Variants in MIPEP observed in about 807,000 individuals in gnomAD.
MIPEP encodes mitochondrial intermediate peptidase.
Under a neutral mutation model 90.3 loss-of-function variants are expected in MIPEP, and 79 were observed. The ratio of observed to expected loss-of-function variants is 0.87; its 90% CI spans 0.73 to 1.05. The LOEUF (loss-of-function observed/expected upper bound fraction) is 1.05, where lower values mean the gene tolerates loss of function less well. Among genes scored for constraint, MIPEP ranks in the 50% least tolerant of loss-of-function variants. The pLI is 0.00. For missense variants in MIPEP, 940 were observed against 905.6 expected (o/e 1.04, Z -0.49); for synonymous variants, 334 against 315.8 (o/e 1.06, Z -0.61).
intron 2 of MIPEP, among the ~76,000 whole-genome samples, chr13:23,884,495 G>C (rs1871393085): frequency 6.6e-6 from 1 of 152,202 alleles, no homozygotes; most frequent in Non-Finnish European, 1.5e-5. Context: ...GGAGAAAGAA[G>C]AAGAGCTCGA....
chr13:23,887,753 C>T (rs1252347065), intron 1 of MIPEP, among the ~76,000 whole-genome samples: 1 of 152,140 alleles, frequency 6.6e-6, no homozygotes, highest in Non-Finnish European at 1.5e-5. Flanking sequence ...AACAGGTAAA[C>T]CTTCAGGCCT....
At chr13:23,739,318 C>T (rs902196064) in intron 18 of MIPEP, among the ~76,000 whole-genome samples, 8 of 152,258 alleles carry the variant, frequency 5.3e-5, no homozygotes, top group African/African-American at 1.2e-4. Flanking sequence ...GTCTCCCAGA[C>T]GGGAGGTGCC....
chr13:23,775,918 T>G (rs918749101), intron 16 of MIPEP, among the ~76,000 whole-genome samples: 1 of 152,240 alleles, frequency 6.6e-6, no homozygotes, highest in African/African-American at 2.4e-5. Context: ...GAATTTTTTT[T>G]GGTAAATGTG....
intron 16 of MIPEP, among the ~76,000 whole-genome samples, chr13:23,798,511 T>C (rs1222014113): frequency 6.6e-6 from 1 of 152,186 alleles, no homozygotes; most frequent in African/African-American, 2.4e-5. Flanking sequence ...CCAATGTTTA[T>C]AGATTATATA....
chr13:23,862,466 T>C (rs1006736945), intron 8 of MIPEP, 104 bp from the exon 9 acceptor site: 3 of 678,994 alleles, frequency 4.4e-6, no homozygotes, highest in South Asian at 1.8e-5. Context: ...TAAGATTAGA[T>C]ACAATTAGTA....
intron 16 of MIPEP, among the ~76,000 whole-genome samples, chr13:23,781,470 G>A (rs1462644792): frequency 1.3e-5 from 2 of 152,132 alleles, no homozygotes; most frequent in Admixed American, 6.5e-5. Flanking sequence ...AACATGGAAA[G>A]GAACAACTGG....
chr13:23,886,797 A>T (rs1376026835), intron 1 of MIPEP, among the ~76,000 whole-genome samples: 2 of 151,906 alleles, frequency 1.3e-5, no homozygotes, highest in Non-Finnish European at 2.9e-5. Flanking sequence ...AGAACCTAAG[A>T]GTGGCCGCAA....
At chr13:23,786,800 G>A (rs1365852456) in intron 16 of MIPEP, among the ~76,000 whole-genome samples, 2 of 152,172 alleles carry the variant, frequency 1.3e-5, no homozygotes, top group Admixed American at 6.5e-5. Context: ...ACTTTGCAAC[G>A]TGTCTGGGAA....
intron 7 of MIPEP, among the ~76,000 whole-genome samples, chr13:23,864,847 C>A (rs574061360): frequency 6.6e-6 from 1 of 151,474 alleles, no homozygotes; most frequent in Non-Finnish European, 1.5e-5. Context: ...ACATGTCTGA[C>A]GTTTTCAGAG....
intron 10 of MIPEP, among the ~76,000 whole-genome samples, chr13:23,844,806 T>C (rs1869461881): frequency 6.6e-6 from 1 of 152,322 alleles, no homozygotes; most frequent in African/African-American, 2.4e-5. Flanking sequence ...TGGGCAAAAT[T>C]CAAGGAAACA....
intron 18 of MIPEP, among the ~76,000 whole-genome samples, chr13:23,749,738 A>C (rs917645855): frequency 6.6e-6 from 1 of 152,136 alleles, no homozygotes; most frequent in Non-Finnish European, 1.5e-5. Flanking sequence ...GGAGCTTGGG[A>C]GTCATCCTTG....
intron 17 of MIPEP, chr13:23,756,844 CT>C (rs1409795343): frequency 3.0e-5 from 16 of 541,088 alleles, no homozygotes; most frequent in Non-Finnish European, 5.2e-5. Flanking sequence ...GATAACTATA[CT>C]TTTGGCTATC....
Position 23,864,154 on chromosome 13 carries a change from T to C in MIPEP, c.979A>G (p.Lys327Glu). The change falls in exon 8 of 19, where the codon AAA becomes GAA. Residue 327 changes from lysine to glutamate, a missense_variant. Coordinates refer to ENST00000382172, the MANE Select transcript of MIPEP (RefSeq NM_005932.4). ...VMQFLEKLSD[K>E]LSERTLKDFE... is the part of the protein sequence containing the mutation. ...ATAAAAACTAACCTTTCAGAAAGTT[T>C]GTCAGATAGTTTTTCAAGGAACTGC... 6.4e-7 allele frequency: 1 copy of C among 1,560,732 alleles called. No individual in the cohort carries two copies. Among genetic ancestry groups the C allele is most frequent in the Non-Finnish European group, 8.7e-7 (1 of 1,149,438 alleles).
chr13:23,746,302 TG>T (rs1247816419), intron 18 of MIPEP, among the ~76,000 whole-genome samples: 3 of 151,190 alleles, frequency 2.0e-5, no homozygotes, highest in Non-Finnish European at 2.9e-5. Context: ...GCATGAGCCA[TG>T]GCACCAGGCC....
chr13:23,839,843 A>C, intron 11 of MIPEP, 117 bp from the exon 12 acceptor site: 1 of 602,232 alleles, frequency 1.7e-6, no homozygotes, highest in South Asian at 2.3e-5. Flanking sequence ...TTTTAATTAC[A>C]TTCTACACCC....
At chr13:23,866,930 C>T (rs906532804) in intron 7 of MIPEP, among the ~76,000 whole-genome samples, 9 of 152,216 alleles carry the variant, frequency 5.9e-5, no homozygotes, top group East Asian at 3.9e-4. Context: ...TTGCTTAGGT[C>T]GAAAATGTTG....
At chr13:23,769,015 C>A (rs1241396835) in intron 16 of MIPEP, among the ~76,000 whole-genome samples, 1 of 152,084 alleles carries the variant, frequency 6.6e-6, no homozygotes, top group Non-Finnish European at 1.5e-5. Context: ...GAAAAACAAC[C>A]ACCACAGAAC....
At chr13:23,780,977 A>T (rs1224815324) in intron 16 of MIPEP, among the ~76,000 whole-genome samples, 1 of 152,244 alleles carries the variant, frequency 6.6e-6, no homozygotes, top group Non-Finnish European at 1.5e-5. Context: ...TCTACGTCTG[A>T]TTGGTGTACC....
intron 11 of MIPEP, 131 bp downstream of exon 11, chr13:23,841,204 G>A (rs1275618767): frequency 1.4e-6 from 1 of 711,370 alleles, no homozygotes; most frequent in African/African-American, 1.8e-5. Context: ...GATTTTTTTT[G>A]TGAAGCAGAA....
Sources: allele counts gnomAD v4.1 joint callset (sites outside exome capture counted in the v4.1 genomes callset), GRCh38; gene constraint gnomAD v4.1.1; transcripts MANE v1.5; gene names NCBI Gene and HGNC (gene_info 2026-07-23, HGNC 2026-07-21).